The following BCAR3 variants were observed in gnomAD, a reference collection of about 807,000 sequenced individuals.
BCAR3 encodes the protein BCAR3 adaptor protein, NSP family member, also known as breast cancer anti-estrogen resistance protein 3.
Under a neutral mutation model 80.1 loss-of-function variants are expected in BCAR3, and 37 were observed. The observed-to-expected ratio is 0.46, with a 90% CI of 0.36 to 0.61. The LOEUF is 0.61. Among genes scored for constraint, BCAR3 ranks in the 20% least tolerant of loss-of-function variants. The pLI is 0.00. For missense variants in BCAR3, 978 were observed against 1,068.2 expected (o/e 0.92, Z 1.18); for synonymous variants, 389 against 418.9 (o/e 0.93, Z 0.87).
chr1:93,780,570 G>GAAA (rs60451590), intron 2 of BCAR3, among the ~76,000 whole-genome samples: 3 of 113,244 alleles, frequency 2.6e-5, no homozygotes, highest in African/African-American at 1.1e-4. Context: ...AAGAGGAGAG[G>GAAA]AAAAAAAAAA....
chr1:93,716,999 A>G (rs1290145729), intron 2 of BCAR3, among the ~76,000 whole-genome samples: 2 of 152,058 alleles, frequency 1.3e-5, no homozygotes, highest in East Asian at 3.9e-4. Context: ...CAATTTCTCT[A>G]CTCCTTGAAT....
At chr1:93,815,889 G>A (rs1359860774) in intron 2 of BCAR3, among the ~76,000 whole-genome samples, 1 of 152,198 alleles carries the variant, frequency 6.6e-6, no homozygotes, top group Non-Finnish European at 1.5e-5. Flanking sequence ...GCCGTGGTCA[G>A]GGCCTGTGCT....
rs1651263576 is a variant in BCAR3, at chr1:93,743,860, T to C, written c.-62-37718A>G. On this transcript the variant is annotated intron_variant, in intron 2 of 13. Transcript: ENST00000370244. ...TTTCTCAGTCCACATTACTGTTGTC[T>C]GTTTCTTAAAAAGAAAGGTTAAGGC... is the stretch of plus-strand genomic sequence containing the variant. Among the ~76,000 whole-genome samples, 4 of 152,352 alleles carry C rather than the reference T, an allele frequency of 2.6e-5. No homozygotes were observed. The South Asian group carries it at 8.3e-4, about 32-fold the overall frequency.
intron 2 of BCAR3, among the ~76,000 whole-genome samples, chr1:93,771,505 A>G (rs1652355367): frequency 6.6e-6 from 1 of 152,198 alleles, no homozygotes. Context: ...TAACGTCTCT[A>G]TGTCTCTTTT....
At chr1:93,705,275 C>T (rs1173774582) in intron 3 of BCAR3, among the ~76,000 whole-genome samples, 1 of 152,104 alleles carries the variant, frequency 6.6e-6, no homozygotes, top group African/African-American at 2.4e-5. Flanking sequence ...GTAATTGGTC[C>T]TCCCTGGACC....
At chr1:93,607,174 C>T (rs1177072941) in intron 3 of BCAR3, among the ~76,000 whole-genome samples, 3 of 152,108 alleles carry the variant, frequency 2.0e-5, no homozygotes, top group South Asian at 2.1e-4. Flanking sequence ...GTGGTGAGTA[C>T]ATTGGAAGCT....
chr1:93,788,153 T>C (rs1259526610), intron 2 of BCAR3, among the ~76,000 whole-genome samples: 3 of 152,176 alleles, frequency 2.0e-5, no homozygotes, highest in Non-Finnish European at 4.4e-5. Flanking sequence ...TTGCTCTTGG[T>C]TTCTATTTCT....
intron 2 of BCAR3, among the ~76,000 whole-genome samples, chr1:93,726,550 G>T (rs186432155): frequency 6.6e-6 from 1 of 152,294 alleles, no homozygotes; most frequent in African/African-American, 2.4e-5. Flanking sequence ...TATGAACTCA[G>T]ATTACTTCTT....
chr1:93,767,523 CAAAA>C (rs58484557), intron 2 of BCAR3, among the ~76,000 whole-genome samples: 2 of 93,994 alleles, frequency 2.1e-5, no homozygotes, highest in Admixed American at 1.1e-4. Context: ...GACTCTGTCT[CAAAA>C]AAAAAAAAAA....
chr1:93,684,450 A>G (rs1648904965), upstream of BCAR3, among the ~76,000 whole-genome samples: 1 of 152,196 alleles, frequency 6.6e-6, no homozygotes, highest in Non-Finnish European at 1.5e-5. Flanking sequence ...ACAGGTTTCC[A>G]TGAGAAGTCA....
At chr1:93,612,304 G>A (rs1674975268) in intron 3 of BCAR3, among the ~76,000 whole-genome samples, 1 of 152,166 alleles carries the variant, frequency 6.6e-6, no homozygotes, top group Non-Finnish European at 1.5e-5. Context: ...AGTCCAGGCG[G>A]AAAGAAGGGT....
chr1:93,726,241 AT>A (rs748457135), intron 2 of BCAR3, among the ~76,000 whole-genome samples: 6 of 150,840 alleles, frequency 4.0e-5, no homozygotes, highest in Admixed American at 2.0e-4. Flanking sequence ...ATTTAAATAT[AT>A]TTTTTTTTGA....
chr1:93,756,292 G>A (rs1243486016), intron 2 of BCAR3, among the ~76,000 whole-genome samples: 2 of 152,166 alleles, frequency 1.3e-5, no homozygotes, highest in East Asian at 1.9e-4. Context: ...GTCACCCAAA[G>A]GCTGTTATTG....
chr1:93,732,822 G>T (rs2100685977), intron 2 of BCAR3, among the ~76,000 whole-genome samples: 1 of 152,252 alleles, frequency 6.6e-6, no homozygotes, highest in East Asian at 1.9e-4. Flanking sequence ...CAACCTGCCT[G>T]ACTTCTCAGG....
chr1:93,622,589 C>T (rs770038613), intron 3 of BCAR3, among the ~76,000 whole-genome samples: 2 of 152,126 alleles, frequency 1.3e-5, no homozygotes, highest in Non-Finnish European at 2.9e-5. Context: ...CAGGAGGCAA[C>T]AAAGGCTTGC....
intron 1 of BCAR3, among the ~76,000 whole-genome samples, chr1:93,679,545 A>C (rs942574806): frequency 6.6e-6 from 1 of 152,232 alleles, no homozygotes; most frequent in Non-Finnish European, 1.5e-5. Context: ...TCTACTGTGC[A>C]GGAAAACAAA....
rs200181186 is a variant in BCAR3, at chr1:93,688,788, TTG to T, written c.-11-13849_-11-13848del. Among the ~76,000 whole-genome samples the T allele has an allele frequency of 2.6e-3, 394 of 151,774 alleles. 1 individual carries two copies. The highest frequency in any genetic ancestry group is 9.2e-3 in the African/African-American group (381 of 41,322). ...GGTTTTTTTGTTTGTTTTTGTTTGTTTGTTTGTTTGTTTGTTTTTTGTATTTT... is the reference window on the plus strand; with the variant it reads ...GGTTTTTTTGTTTGTTTTTGTTTGTTTTTGTTTGTTTGTTTTTTGTATTTT... On this transcript the variant is annotated intron_variant, in intron 3 of 13. Coordinates refer to the BCAR3 transcript ENST00000370244.
Position 93,582,158 on chromosome 1 carries a change from G to C in BCAR3, c.1686+143C>G. On this transcript the variant is annotated intron_variant, in intron 7 of 11. Transcript: ENST00000260502. The stretch of plus-strand genomic sequence containing the variant: ...GGTGTTATCTTCAGACTTTCCTATG[G>C]GCAAAGCATTTAATGGGTGAGGCAG... 4 of 1,103,432 alleles carry C rather than the reference G, an allele frequency of 3.6e-6. 1 individual carries two copies. In the South Asian group the frequency reaches 6.9e-5, roughly 19 times the overall value. The allele number at this position is 1,103,432 out of a possible 1,614,324, so 68.4% of individuals were successfully genotyped here.
chr1:93,801,218 C>T (rs1489037320), intron 2 of BCAR3, among the ~76,000 whole-genome samples: 1 of 152,140 alleles, frequency 6.6e-6, no homozygotes, highest in Non-Finnish European at 1.5e-5. Context: ...CTTTTGAAAG[C>T]AAGGCCTCTG....
Sources: allele counts gnomAD v4.1 joint callset (sites outside exome capture counted in the v4.1 genomes callset), GRCh38; gene constraint gnomAD v4.1.1; transcripts MANE v1.5; gene names NCBI Gene and HGNC (gene_info 2026-07-23, HGNC 2026-07-21).